Variants in SHROOM3 observed in about 807,000 individuals in gnomAD.
SHROOM3 encodes protein Shroom3.
SHROOM3 carries 47 observed loss-of-function variants against 138.6 expected under a neutral mutation model. The observed-to-expected ratio is 0.34, with a 90% CI of 0.27 to 0.43. The LOEUF (loss-of-function observed/expected upper bound fraction) is 0.43. Ranked by LOEUF, SHROOM3 falls within the 20% of genes least tolerant of loss-of-function variation. SHROOM3 has a pLI of 1.00. For missense variants in SHROOM3, 2,491 were observed against 2,596.5 expected, an observed-to-expected ratio of 0.96 and a Z score of 0.88; for synonymous variants, 1,062 against 1,063.3, an observed-to-expected ratio of 1.00 and a Z score of 0.02.
chr4:76,740,510 C>T lies in SHROOM3; in HGVS notation c.2337C>T (p.Cys779=), dbSNP rs1439999035. Reference sequence around the variant, plus strand: ...GCTTTCAGTACGGGAAGCCCCACTGCTCGGTGCTGGAGAAGGTCTCCAAAT... The same window carrying T: ...GCTTTCAGTACGGGAAGCCCCACTGTTCGGTGCTGGAGAAGGTCTCCAAAT... ...LQGFQYGKPH[C]SVLEKVSKFE... is the part of the protein sequence containing the mutation. Residue 779 remains cysteine (C), a synonymous_variant, in exon 5 of 11, where the codon TGC becomes TGT. Transcript: ENST00000296043. This position sits in a 1 kb window ranked among gnomAD's most constrained non-coding sequence, Gnocchi z 4.0. 1.2e-6 allele frequency: 2 copies of T among 1,613,886 alleles called. No homozygotes were observed. The highest frequency in any genetic ancestry group is 8.5e-7 in the Non-Finnish European group (1 of 1,179,884).
At chr4:76,623,969 T>A (rs925412134) in intron 2 of SHROOM3, among the ~76,000 whole-genome samples, 1 of 152,242 alleles carries the variant, frequency 6.6e-6, no homozygotes, top group Non-Finnish European at 1.5e-5. Context: ...ATTTTAGTTT[T>A]GTTTTGCTTT....
chr4:76,745,893 A>G (rs1024275998), intron 5 of SHROOM3, among the ~76,000 whole-genome samples: 9 of 152,228 alleles, frequency 5.9e-5, no homozygotes, highest in Non-Finnish European at 1.2e-4. Flanking sequence ...AGGCACGAGA[A>G]TCGCTTGAAC....
intron 1 of SHROOM3, among the ~76,000 whole-genome samples, chr4:76,527,130 A>G (rs1427660508): frequency 1.3e-5 from 2 of 152,174 alleles, no homozygotes; most frequent in African/African-American, 4.8e-5. Context: ...AGGGAAGGAA[A>G]AAAGATCCAT....
chr4:76,534,499 A>G (rs115241126), intron 1 of SHROOM3, among the ~76,000 whole-genome samples: 7 of 149,496 alleles, frequency 4.7e-5, no homozygotes, highest in Non-Finnish European at 8.9e-5. Context: ...GTTGCTCGAT[A>G]TATATTTATT....
intron 1 of SHROOM3, among the ~76,000 whole-genome samples, chr4:76,476,763 C>A (rs1345030345): frequency 6.6e-6 from 1 of 152,082 alleles, no homozygotes; most frequent in Non-Finnish European, 1.5e-5. Flanking sequence ...TCTCTTAATC[C>A]CTCACATATA....
intron 4 of SHROOM3, among the ~76,000 whole-genome samples, chr4:76,737,660 G>GTT (rs78361856): frequency 6.6e-6 from 1 of 151,934 alleles, no homozygotes; most frequent in South Asian, 2.1e-4. Flanking sequence ...TTGTTTGGTT[G>GTT]TTTTTTGTTT....
chr4:76,459,459 C>G (rs925407584), intron 1 of SHROOM3, among the ~76,000 whole-genome samples: 1 of 152,082 alleles, frequency 6.6e-6, no homozygotes, highest in Non-Finnish European at 1.5e-5. Context: ...TCCAGGGAGC[C>G]TAGGTTGAGC....
At chr4:76,543,160 G>A (rs1733141438) in intron 1 of SHROOM3, among the ~76,000 whole-genome samples, 1 of 152,176 alleles carries the variant, frequency 6.6e-6, no homozygotes, top group South Asian at 2.1e-4. Context: ...AAGGTAAACA[G>A]ATAAGTACCT....
intron 5 of SHROOM3, chr4:76,742,139 T>C: frequency 3.0e-6 from 2 of 669,108 alleles, no homozygotes; most frequent in Non-Finnish European, 2.7e-6. Flanking sequence ...TTACGTATGT[T>C]GTTATACAGA....
intron 1 of SHROOM3, among the ~76,000 whole-genome samples, chr4:76,451,236 C>T (rs1410822376): frequency 6.6e-6 from 1 of 152,086 alleles, no homozygotes; most frequent in African/African-American, 2.4e-5. Flanking sequence ...AGATGTGAGC[C>T]ACTGCACTCA....
At position 76,689,503 on chromosome 4, in the gene SHROOM3, C is replaced by T; in HGVS notation, c.324-20653C>T. 3 of 981,892 alleles carry T rather than the reference C, an allele frequency of 3.1e-6. 1 individual carries two copies. Among genetic ancestry groups the T allele is most frequent in the South Asian group, 9.4e-5 (2 of 21,268 alleles). 60.8% of individuals were successfully genotyped at this position (981,892 alleles called of 1,614,324 possible). On this transcript the variant is annotated intron_variant, in intron 2 of 10. Coordinates refer to ENST00000296043, the MANE Select transcript of SHROOM3 (RefSeq NM_020859.4). ...GATCAGCGTCCTCCAGCCGCGCTGC[C>T]CCGGCCCACCGTGCAGCTGTAGCCG...
At chr4:76,710,097 T>C in intron 2 of SHROOM3, 59 bp from the exon 3 acceptor site, 1 of 1,611,388 alleles carries the variant, frequency 6.2e-7, no homozygotes, top group Non-Finnish European at 8.5e-7. Flanking sequence ...TAAGATTCAT[T>C]TGTGCTCCTG....
chr4:76,438,952 C>A (rs1730614925), intron 1 of SHROOM3, among the ~76,000 whole-genome samples: 1 of 152,126 alleles, frequency 6.6e-6, no homozygotes. Context: ...CCAGGCAGAC[C>A]TCCATGTGGG....
chr4:76,619,579 G>A (rs1490498278), intron 2 of SHROOM3, among the ~76,000 whole-genome samples: 1 of 152,268 alleles, frequency 6.6e-6, no homozygotes, highest in Non-Finnish European at 1.5e-5. Context: ...AAGAGCTGAG[G>A]GGTGTATCCA....
chr4:76,462,013 A>G (rs1191526793), intron 1 of SHROOM3, among the ~76,000 whole-genome samples: 1 of 152,216 alleles, frequency 6.6e-6, no homozygotes, highest in Admixed American at 6.5e-5. Flanking sequence ...GGATAGGACA[A>G]AAGGAGTTCC....
intron 2 of SHROOM3, among the ~76,000 whole-genome samples, chr4:76,559,906 G>A (rs999368996): frequency 2.6e-5 from 4 of 152,198 alleles, no homozygotes; most frequent in Admixed American, 6.5e-5. Flanking sequence ...CGCTGTGGAC[G>A]CTGCAACAAC....
At chr4:76,486,508 C>T (rs1731734695) in intron 1 of SHROOM3, among the ~76,000 whole-genome samples, 1 of 152,118 alleles carries the variant, frequency 6.6e-6, no homozygotes, top group Non-Finnish European at 1.5e-5. Flanking sequence ...ATCTATATCC[C>T]AATCCACTGG....
intron 5 of SHROOM3, among the ~76,000 whole-genome samples, chr4:76,743,766 G>A (rs1403795709): frequency 6.6e-6 from 1 of 152,148 alleles, no homozygotes; most frequent in Non-Finnish European, 1.5e-5. Flanking sequence ...AAATATAGAG[G>A]CAACTTCCCA....
chr4:76,778,703 T>A (rs1722654064), intron 10 of SHROOM3, 106 bp from the exon 11 acceptor site: 1 of 1,490,264 alleles, frequency 6.7e-7, no homozygotes, highest in South Asian at 1.2e-5. Context: ...ACAATAGGAA[T>A]AGAGCTTAGA....
Sources: gnomAD v4.1 joint callset for allele counts (sites outside exome capture counted in the v4.1 genomes callset) on GRCh38, gnomAD v4.1.1 for gene constraint, Gnocchi (gnomAD v3.1) non-coding constraint, MANE v1.5 for transcripts, NCBI Gene and HGNC (gene_info 2026-07-23, HGNC 2026-07-21) for gene names.